ECE1: variants seen among roughly 807,000 people sequenced by gnomAD.
ECE1 encodes endothelin-converting enzyme 1.
In ECE1, 35 loss-of-function variants were observed where a neutral mutation model predicts 98.6. The ratio of observed to expected loss-of-function variants is 0.35; its 90% CI spans 0.27 to 0.47. The LOEUF (loss-of-function observed/expected upper bound fraction) is 0.47. Ranked by LOEUF, ECE1 falls within the 20% of genes least tolerant of loss-of-function variation. The pLI is 1.00. For synonymous variants in ECE1, 394 were observed against 407.1 expected (o/e 0.97, Z 0.39); for missense variants, 814 against 1,025.3 (o/e 0.79, Z 2.81).
At chr1:21,329,762 G>A (rs1639156671) in intron 1 of ECE1, among the ~76,000 whole-genome samples, 1 of 152,176 alleles carries the variant, frequency 6.6e-6, no homozygotes, top group Non-Finnish European at 1.5e-5. Flanking sequence ...TAGTCACTTA[G>A]AGAGACACAG....
At chr1:21,342,607 T>TAC (rs71014187) in intron 1 of ECE1, among the ~76,000 whole-genome samples, 4,365 of 139,726 alleles carry the variant, frequency 0.031, 217 homozygotes, top group East Asian at 0.26. Context: ...CACACACAGA[T>TAC]ACACACACAC....
rs558388453 is a variant in ECE1, at chr1:21,220,757, T to C, written c.2137-626A>G. On this transcript the variant is annotated intron_variant, in intron 18 of 18. Coordinates refer to ENST00000374893, the MANE Select transcript of ECE1 (RefSeq NM_001397.3). This position sits in a 1 kb window ranked among gnomAD's most constrained non-coding sequence, Gnocchi z 5.0. ...GTTGCAGTGAGCCAAGATCACACCA[T>C]TGCACTCCAGGCCGGGTGACTGAGG... is the stretch of plus-strand genomic sequence containing the variant. 1.3e-5 allele frequency among the ~76,000 whole-genome samples: 2 copies of C among 151,948 alleles called. No individual in the cohort carries two copies. The highest frequency in any genetic ancestry group is 2.9e-5 in the Non-Finnish European group (2 of 67,974).
intron 8 of ECE1, among the ~76,000 whole-genome samples, chr1:21,249,329 C>T (rs375042382): frequency 2.0e-4 from 30 of 150,704 alleles, no homozygotes; most frequent in South Asian, 1.7e-3. Context: ...GGCAACAGAG[C>T]GAGACTCCAT....
chr1:21,224,654 C>T (rs1245101598), intron 17 of ECE1, among the ~76,000 whole-genome samples: 1 of 152,154 alleles, frequency 6.6e-6, no homozygotes, highest in African/African-American at 2.4e-5. Context: ...TGACAGACAC[C>T]TACTGTTTTT....
intron 9 of ECE1, among the ~76,000 whole-genome samples, chr1:21,246,521 A>G (rs562411627): frequency 6.6e-5 from 10 of 151,240 alleles, no homozygotes; most frequent in Non-Finnish European, 1.3e-4. Flanking sequence ...AAAAGAAAAG[A>G]AAAGAAAGAA....
At chr1:21,251,439 T>C (rs2103272223) in intron 8 of ECE1, among the ~76,000 whole-genome samples, 1 of 151,982 alleles carries the variant, frequency 6.6e-6, no homozygotes, top group Non-Finnish European at 1.5e-5. Flanking sequence ...CACTTGAGCC[T>C]GGGAGGCGGA....
At chr1:21,313,660 C>T (rs1006310480) in intron 1 of ECE1, among the ~76,000 whole-genome samples, 1 of 152,216 alleles carries the variant, frequency 6.6e-6, no homozygotes, top group East Asian at 1.9e-4. Context: ...CTGGAACAGA[C>T]AGACCTCAGC....
At chr1:21,237,058 T>C (rs2098189196) in intron 11 of ECE1, among the ~76,000 whole-genome samples, 1 of 152,154 alleles carries the variant, frequency 6.6e-6, no homozygotes, top group Non-Finnish European at 1.5e-5. Context: ...CAGGGCTCCA[T>C]GCTCCAATAA....
intron 8 of ECE1, among the ~76,000 whole-genome samples, chr1:21,249,939 A>AT (rs71014176): frequency 0.016 from 2,113 of 134,774 alleles, 25 homozygotes; most frequent in Non-Finnish European, 0.021. Context: ...ACCTTGGCTA[A>AT]TTTTTTTTTT....
Position 21,221,853 on chromosome 1 carries a change from A to T in ECE1, c.2041-11T>A. Reference sequence around the variant, plus strand: ...CCAGTTCTGGTAAGCCTGGGAGGAGAGAAAACCAAAGCTCAGGGGTTCCCA... The same window carrying T: ...CCAGTTCTGGTAAGCCTGGGAGGAGTGAAAACCAAAGCTCAGGGGTTCCCA... On this transcript the variant is annotated splice_polypyrimidine_tract_variant and intron_variant, in intron 17 of 18. Coordinates refer to ENST00000374893, the MANE Select transcript of ECE1 (RefSeq NM_001397.3). 2 of 1,613,712 alleles carry T rather than the reference A, an allele frequency of 1.2e-6. No homozygotes were observed. Among genetic ancestry groups the T allele is most frequent in the Non-Finnish European group, 1.7e-6 (2 of 1,179,640 alleles).
intron 1 of ECE1, among the ~76,000 whole-genome samples, chr1:21,344,426 G>A (rs889780549): frequency 4.6e-5 from 7 of 152,218 alleles, no homozygotes; most frequent in African/African-American, 7.2e-5. Flanking sequence ...ACTAGGAGAG[G>A]GAATCCGAGT....
chr1:21,338,480 T>A (rs1048652215), intron 1 of ECE1, among the ~76,000 whole-genome samples: 1 of 152,242 alleles, frequency 6.6e-6, no homozygotes, highest in African/African-American at 2.4e-5. Context: ...TCAAAGGGGT[T>A]AGGTGCCTTG....
At chr1:21,268,530 C>T (rs995371269) in intron 4 of ECE1, among the ~76,000 whole-genome samples, 3 of 152,232 alleles carry the variant, frequency 2.0e-5, no homozygotes, top group Non-Finnish European at 4.4e-5. Context: ...ATTCACCTGG[C>T]AGAGAAATGC....
At chr1:21,313,383 G>C (rs1638768613) in intron 1 of ECE1, among the ~76,000 whole-genome samples, 1 of 152,204 alleles carries the variant, frequency 6.6e-6, no homozygotes, top group South Asian at 2.1e-4. Flanking sequence ...GAGCCCGGGA[G>C]GAAACGCCTG....
chr1:21,236,585 G>A (rs1466192430), intron 12 of ECE1, among the ~76,000 whole-genome samples, 161 bp downstream of exon 12: 1 of 152,184 alleles, frequency 6.6e-6, no homozygotes, highest in African/African-American at 2.4e-5. Context: ...GGAGGCGGAG[G>A]TTGCGGTGAG....
intron 9 of ECE1, 22 bp downstream of exon 9, chr1:21,247,199 A>G: frequency 6.2e-7 from 1 of 1,613,918 alleles, no homozygotes; most frequent in Non-Finnish European, 8.5e-7. Flanking sequence ...GGCGTGCCCC[A>G]GGCCACTGGG....
At chr1:21,279,604 G>T (rs2098252033) in intron 2 of ECE1, 1 of 1,432,288 alleles carries the variant, frequency 7.0e-7, no homozygotes, top group Non-Finnish European at 9.1e-7. Context: ...ATGAGTGGAA[G>T]GAAAAAACTA....
intron 1 of ECE1, among the ~76,000 whole-genome samples, chr1:21,339,350 C>T (rs1018748585): frequency 3.3e-5 from 5 of 152,194 alleles, no homozygotes; most frequent in African/African-American, 1.2e-4. Flanking sequence ...CTCAACAGTC[C>T]TATCCCTGTC....
rs544034032 is a variant in ECE1 at position 21,328,383 on chromosome 1, T to C, written c.3+16993A>G. On this transcript the variant is annotated intron_variant, in intron 1 of 18. Transcript: ENST00000415912. ...CATTCTAGACCTTGTGCCTGGCACATAGTGGGTCCTCAGTAAATGGTAGAT... is the reference window on the plus strand; with the variant it reads ...CATTCTAGACCTTGTGCCTGGCACACAGTGGGTCCTCAGTAAATGGTAGAT... Among the ~76,000 whole-genome samples, 7 of 152,336 alleles carry C rather than the reference T, an allele frequency of 4.6e-5. No homozygotes were observed. The East Asian group carries it at 1.2e-3, about 25-fold the overall frequency.
Sources: gnomAD v4.1 joint callset for allele counts (sites outside exome capture counted in the v4.1 genomes callset) on GRCh38, gnomAD v4.1.1 for gene constraint, Gnocchi (gnomAD v3.1) non-coding constraint, MANE v1.5 for transcripts, NCBI Gene and HGNC (gene_info 2026-07-23, HGNC 2026-07-21) for gene names.